The following HECW2 variants were observed in gnomAD, a reference collection of about 807,000 sequenced individuals.
HECW2 encodes the protein HECT, C2 and WW domain containing E3 ubiquitin protein ligase 2, also known as E3 ubiquitin-protein ligase HECW2.
Under a neutral mutation model 175.2 loss-of-function variants are expected in HECW2, and 61 were observed. The ratio of observed to expected loss-of-function variants is 0.35; its 90% CI spans 0.28 to 0.43. The LOEUF is 0.43. Among genes scored for constraint, HECW2 ranks in the 20% least tolerant of loss-of-function variants. The pLI, the probability that HECW2 is intolerant of heterozygous loss-of-function variation, is 1.00. For synonymous variants in HECW2, 671 were observed against 731.0 expected (o/e 0.92, Z 1.32); for missense variants, 1,524 against 2,000.5 (o/e 0.76, Z 4.54).
Position 196,278,523 on chromosome 2 carries a change from C to T in HECW2, c.3135+5G>A, listed in dbSNP as rs200350483. The T allele has an allele frequency of 1.2e-6, 2 of 1,613,200 alleles. No homozygotes were observed. The highest frequency in any genetic ancestry group is 1.7e-6 in the Non-Finnish European group (2 of 1,179,448). ...ACAGGTCAGTCCCCAAAACGCATGACTCACCTCACCCGCACTGTGGCTGCG... is the reference window on the plus strand; with the variant it reads ...ACAGGTCAGTCCCCAAAACGCATGATTCACCTCACCCGCACTGTGGCTGCG... On this transcript the variant is annotated splice_donor_5th_base_variant and intron_variant, in intron 15 of 28. Transcript: ENST00000644978.
chr2:196,488,762 T>A (rs1687094689), intron 1 of HECW2, among the ~76,000 whole-genome samples: 1 of 152,156 alleles, frequency 6.6e-6, no homozygotes, highest in Admixed American at 6.5e-5. Flanking sequence ...GTTTTTTTAT[T>A]TTTACTTTTC....
At chr2:196,421,996 T>C (rs1390616245) in intron 2 of HECW2, among the ~76,000 whole-genome samples, 6 of 152,168 alleles carry the variant, frequency 3.9e-5, no homozygotes. Context: ...AGATCCGTGA[T>C]AGTCTGAGAT....
At chr2:196,402,491 C>G (rs1016194367) in intron 2 of HECW2, among the ~76,000 whole-genome samples, 1 of 152,278 alleles carries the variant, frequency 6.6e-6, no homozygotes, top group Non-Finnish European at 1.5e-5. Context: ...ACTTTGGCTA[C>G]TTTTCCTTCA....
intron 1 of HECW2, among the ~76,000 whole-genome samples, chr2:196,566,313 G>A (rs1003110702): frequency 6.7e-6 from 1 of 150,250 alleles, no homozygotes; most frequent in African/African-American, 2.4e-5. Flanking sequence ...AGATGTTATG[G>A]TGCTGTAATA....
rs1553636702 is a variant in HECW2, at chr2:196,248,597, G to GACACAAACAC, written c.3529+5322_3529+5323insGTGTTTGTGT. On this transcript the variant is annotated intron_variant, in intron 19 of 28. Transcript: ENST00000644978. ...CAGATGAGAGAGAGAGAGACAGACA[G>GACACAAACAC]ACACACACACACACACACACACACA... Among the ~76,000 whole-genome samples, 423 of 144,028 alleles carry GACACAAACAC rather than the reference G, an allele frequency of 2.9e-3. 3 individuals carry two copies. Among genetic ancestry groups the GACACAAACAC allele is most frequent in the East Asian group, 0.011 (56 of 4,874 alleles). The allele number at this position is 144,028 out of a possible 152,430, so 94.5% of individuals were successfully genotyped here. A position where few individuals can be genotyped will look rare whatever the true frequency, so the allele number is the denominator to read the frequency against.
At chr2:196,364,341 A>C (rs143026572) in intron 2 of HECW2, among the ~76,000 whole-genome samples, 182 of 152,352 alleles carry the variant, frequency 1.2e-3, no homozygotes, top group African/African-American at 4.1e-3. Context: ...GAAAGAAACT[A>C]AAAAGTGTAG....
intron 19 of HECW2, among the ~76,000 whole-genome samples, chr2:196,247,774 C>CAA: frequency 6.6e-6 from 1 of 152,314 alleles, no homozygotes; most frequent in East Asian, 1.9e-4. Context: ...CGGGCAGTCT[C>CAA]AGTCTTTTTT....
chr2:196,478,815 T>C (rs1001870887), intron 1 of HECW2, among the ~76,000 whole-genome samples: 1 of 151,914 alleles, frequency 6.6e-6, no homozygotes, highest in Admixed American at 6.6e-5. Flanking sequence ...CAGCACCAGT[T>C]AGAACAAGCA....
chr2:196,484,876 A>G (rs1686949548), intron 1 of HECW2, among the ~76,000 whole-genome samples: 1 of 152,192 alleles, frequency 6.6e-6, no homozygotes, highest in Admixed American at 6.5e-5. Flanking sequence ...TCAAGCATGA[A>G]AGTTAAAGAT....
intron 1 of HECW2, among the ~76,000 whole-genome samples, chr2:196,489,789 G>A (rs1687124485): frequency 6.6e-6 from 1 of 152,292 alleles, no homozygotes; most frequent in South Asian, 2.1e-4. Flanking sequence ...ACTTTCTTCT[G>A]TTCAGTGGAT....
At chr2:196,201,432 G>C in intron 28 of HECW2, 44 bp from the exon 29 acceptor site, 1 of 1,400,188 alleles carries the variant, frequency 7.1e-7, no homozygotes, top group Non-Finnish European at 1.0e-6. Context: ...CAGGCCGAGT[G>C]AAATGAAAAT....
intron 1 of HECW2, among the ~76,000 whole-genome samples, chr2:196,486,446 C>A (rs1191165824): frequency 1.3e-5 from 2 of 152,146 alleles, no homozygotes; most frequent in Non-Finnish European, 2.9e-5. Flanking sequence ...GATGCAACCC[C>A]CCTGGGCTCA....
chr2:196,338,210 G>A (rs1692622825), intron 3 of HECW2, among the ~76,000 whole-genome samples: 1 of 152,014 alleles, frequency 6.6e-6, no homozygotes, highest in Admixed American at 6.6e-5. Flanking sequence ...TCGAGTAAAG[G>A]GGTTTCTGTA....
chr2:196,356,847 A>G (rs1201483134), intron 2 of HECW2, among the ~76,000 whole-genome samples: 1 of 152,196 alleles, frequency 6.6e-6, no homozygotes, highest in African/African-American at 2.4e-5. Context: ...TGTATAGGGA[A>G]TAACAGTGTA....
At position 196,499,308 on chromosome 2, in the gene HECW2, T is replaced by TA. The variant is rs113064018; in HGVS notation, c.-35-65851dup. ...ATTGTTGACACATTGACAAACTTCT[T>TA]AAAAAAAAAAAAAAGCTTAAATACA... On this transcript the variant is annotated intron_variant, in intron 1 of 28. Coordinates refer to ENST00000644978, the MANE Select transcript of HECW2 (RefSeq NM_001348768.2). 6.5e-3 allele frequency among the ~76,000 whole-genome samples: 871 copies of TA among 134,432 alleles called. 8 individuals are homozygous for TA. Among genetic ancestry groups the TA allele is most frequent in the African/African-American group, 0.018 (669 of 36,822 alleles). 88.2% of individuals were successfully genotyped at this position (134,432 alleles called of 152,430 possible). A position where few individuals can be genotyped will look rare whatever the true frequency, so the allele number is the denominator to read the frequency against.
At chr2:196,297,347 T>C (rs1169385945) in intron 13 of HECW2, among the ~76,000 whole-genome samples, 2 of 152,354 alleles carry the variant, frequency 1.3e-5, no homozygotes, top group South Asian at 2.1e-4. Context: ...CTGAATTTCT[T>C]GAGTGGAGTT....
intron 1 of HECW2, among the ~76,000 whole-genome samples, chr2:196,442,143 T>C (rs536912816): frequency 6.6e-6 from 1 of 152,010 alleles, no homozygotes; most frequent in South Asian, 2.1e-4. Context: ...AAAGAGAAAA[T>C]CATTAATATT....
chr2:196,542,195 C>T lies in HECW2; in HGVS notation c.-36+51313G>A, dbSNP rs764039903. Among the ~76,000 whole-genome samples, 26 of 148,518 alleles carry T rather than the reference C, an allele frequency of 1.8e-4. 2 individuals are homozygous for T. The South Asian group carries it at 3.9e-3, about 22-fold the overall frequency. ...AGGAGAATTGCTTGAACCCGGGAAG[C>T]GAAGGTTGCAGTGAGCTGAGATCTG... On this transcript the variant is annotated intron_variant, in intron 1 of 28. Transcript: ENST00000644978.
intron 2 of HECW2, among the ~76,000 whole-genome samples, chr2:196,365,540 C>T (rs189518106): frequency 3.6e-4 from 55 of 152,256 alleles, no homozygotes; most frequent in African/African-American, 1.1e-3. Context: ...ATGCTTGTCC[C>T]GTTGTCACTC....
Sources: allele counts gnomAD v4.1 joint callset (sites outside exome capture counted in the v4.1 genomes callset), GRCh38; gene constraint gnomAD v4.1.1; transcripts MANE v1.5; gene names NCBI Gene and HGNC (gene_info 2026-07-23, HGNC 2026-07-21).